RAB4A: variants seen among roughly 807,000 people sequenced by gnomAD.
The protein encoded by RAB4A is RAB4A, member RAS oncogene family, also known as ras-related protein Rab-4A.
A neutral mutation model predicts 34.5 loss-of-function variants in RAB4A; 20 were observed. That is an observed-to-expected ratio of 0.58 (90% confidence interval 0.41 to 0.84). The LOEUF (loss-of-function observed/expected upper bound fraction) is 0.84, where lower values mean the gene tolerates loss of function less well. Among genes scored for constraint, RAB4A ranks in the 40% least tolerant of loss-of-function variants. The pLI is 0.00. For synonymous variants in RAB4A, 102 were observed against 100.0 expected (o/e 1.02, Z -0.12); for missense variants, 228 against 274.5 (o/e 0.83, Z 1.20).
At chr1:229,273,840 C>T (rs1472607927) in intron 1 of RAB4A, among the ~76,000 whole-genome samples, 1 of 152,110 alleles carries the variant, frequency 6.6e-6, no homozygotes, top group Non-Finnish European at 1.5e-5. Context: ...GTCACTTTGA[C>T]GTATCAGTGG....
At position 229,302,257 on chromosome 1, in the gene RAB4A, TTATATATATATATATATATA is replaced by T. The variant is rs58013219; in HGVS notation, c.542-571_542-552del. ...TTATAAGTAATGTTACAGTAAATAATTATATATATATATATATATATATATATATATATATATATATATAT... is the reference window on the plus strand; with the variant it reads ...TTATAAGTAATGTTACAGTAAATAATTATATATATATATATATATATATAT... On this transcript the variant is annotated intron_variant, in intron 6 of 7. Transcript: ENST00000366690. 2.9e-4 allele frequency among the ~76,000 whole-genome samples: 13 copies of T among 44,328 alleles called. No homozygotes were observed. In the East Asian group the frequency reaches 3.1e-3, roughly 11 times the overall value. The allele number at this position is 44,328 out of a possible 152,430, so 29.1% of individuals were successfully genotyped here. A position where few individuals can be genotyped will look rare whatever the true frequency, so the allele number is the denominator to read the frequency against.
Position 229,297,673 on chromosome 1 carries a change from G to A in RAB4A, c.445+37G>A, listed in dbSNP as rs374316347. On this transcript the variant is annotated intron_variant, in intron 5 of 7. Transcript: ENST00000366690. ...TTTACTTCTTACTATTTTTCAAATC[G>A]CATATTTGAGGATAATAGCATTTCT... is the stretch of plus-strand genomic sequence containing the variant. 27 of 1,512,772 alleles carry A rather than the reference G, an allele frequency of 1.8e-5. No homozygotes were observed. The East Asian group carries it at 3.7e-4, about 21-fold the overall frequency. The allele number at this position is 1,512,772 out of a possible 1,614,324, so 93.7% of individuals were successfully genotyped here.
intron 7 of RAB4A, 40 bp downstream of exon 7, chr1:229,303,029 C>A: frequency 1.4e-6 from 2 of 1,423,786 alleles, no homozygotes; most frequent in Non-Finnish European, 9.9e-7. Flanking sequence ...TCCTGGCAAG[C>A]TCAAGTGCAG....
intron 5 of RAB4A, 96 bp from the exon 6 acceptor site, chr1:229,298,881 G>A (rs1446455170): frequency 1.1e-5 from 9 of 825,774 alleles, no homozygotes; most frequent in South Asian, 3.1e-5. Flanking sequence ...ATTATATTTC[G>A]TCTGCTTTTC....
chr1:229,283,587 G>C (rs1289976061), intron 1 of RAB4A, among the ~76,000 whole-genome samples: 1 of 152,092 alleles, frequency 6.6e-6, no homozygotes, highest in Non-Finnish European at 1.5e-5. Flanking sequence ...TGGGTTGCCA[G>C]CTTGTTCTGC....
intron 3 of RAB4A, among the ~76,000 whole-genome samples, chr1:229,289,730 C>G (rs150167707): frequency 6.6e-6 from 1 of 152,284 alleles, no homozygotes; most frequent in Non-Finnish European, 1.5e-5. Flanking sequence ...GCAGGAAAAT[C>G]GCTTGAACCC....
At position 229,286,596 on chromosome 1, in the gene RAB4A, G is replaced by A. The variant is rs371709154; in HGVS notation, c.112+30G>A. On this transcript the variant is annotated intron_variant, in intron 2 of 7. Coordinates refer to ENST00000366690, the MANE Select transcript of RAB4A (RefSeq NM_004578.4). ...GTGTCATGAAATTAGTCATTCTTCC[G>A]TGCATGTCTTCTGAGAGCCCTCTCA... 768 of 1,367,674 alleles carry A rather than the reference G, an allele frequency of 5.6e-4. 5 individuals carry two copies. In the African/African-American group the frequency reaches 9.6e-3, roughly 17 times the overall value. The allele number at this position is 1,367,674 out of a possible 1,614,324, so 84.7% of individuals were successfully genotyped here.
chr1:229,298,145 T>G (rs144678322), intron 5 of RAB4A, among the ~76,000 whole-genome samples: 1 of 152,320 alleles, frequency 6.6e-6, no homozygotes, highest in Admixed American at 6.5e-5. Flanking sequence ...GGTTGCTTAA[T>G]TAATGGATAA....
At chr1:229,299,201 A>G in intron 6 of RAB4A, 129 bp downstream of exon 6, 1 of 637,818 alleles carries the variant, frequency 1.6e-6, no homozygotes, top group Non-Finnish European at 2.6e-6. Context: ...CCAACCTAAA[A>G]TCATCACATA....
At chr1:229,280,320 C>G (rs939551525) in intron 1 of RAB4A, among the ~76,000 whole-genome samples, 1 of 152,158 alleles carries the variant, frequency 6.6e-6, no homozygotes, top group African/African-American at 2.4e-5. Flanking sequence ...TGAAACTCCT[C>G]ATGAAGTTGG....
intron 1 of RAB4A, among the ~76,000 whole-genome samples, chr1:229,278,555 A>G (rs1325350870): frequency 6.6e-6 from 1 of 152,070 alleles, no homozygotes; most frequent in Non-Finnish European, 1.5e-5. Flanking sequence ...AACCCTTTCC[A>G]TGTTGTCTCA....
At chr1:229,278,574 CTG>C (rs1656706176) in intron 1 of RAB4A, among the ~76,000 whole-genome samples, 1 of 152,216 alleles carries the variant, frequency 6.6e-6, no homozygotes. Flanking sequence ...CAGAAGGTCT[CTG>C]TTGTTTAAAA....
At chr1:229,278,293 A>G (rs747543324) in intron 1 of RAB4A, among the ~76,000 whole-genome samples, 1 of 152,222 alleles carries the variant, frequency 6.6e-6, no homozygotes, top group Non-Finnish European at 1.5e-5. Context: ...CTACCCAGCC[A>G]TCTGCCTTGC....
At chr1:229,295,309 C>T (rs545888680) in intron 3 of RAB4A, among the ~76,000 whole-genome samples, 5 of 152,248 alleles carry the variant, frequency 3.3e-5, no homozygotes, top group East Asian at 3.9e-4. Flanking sequence ...GACCAAAAGA[C>T]GCCTTCTTGA....
intron 6 of RAB4A, 107 bp from the exon 7 acceptor site, chr1:229,302,755 G>C (rs1234373770): frequency 1.4e-6 from 1 of 700,178 alleles, no homozygotes; most frequent in Non-Finnish European, 2.3e-6. Flanking sequence ...CAGAATGGTG[G>C]GATATATACA....
chr1:229,302,305 A>ATTTTTTTTTT (rs1657428912), intron 6 of RAB4A, among the ~76,000 whole-genome samples: 11 of 37,862 alleles, frequency 2.9e-4, no homozygotes, highest in Non-Finnish European at 4.2e-4. Flanking sequence ...ATATATATAT[A>ATTTTTTTTTT]TATATTTTTT....
intron 3 of RAB4A, among the ~76,000 whole-genome samples, chr1:229,290,213 A>G (rs1007455923): frequency 1.3e-5 from 2 of 152,170 alleles, no homozygotes; most frequent in African/African-American, 4.8e-5. Flanking sequence ...ATGTTTACAC[A>G]CGAAATAAGA....
intron 1 of RAB4A, among the ~76,000 whole-genome samples, chr1:229,276,071 C>G (rs548010440): frequency 6.6e-6 from 1 of 151,408 alleles, no homozygotes; most frequent in African/African-American, 2.5e-5. Context: ...AACACCAAAA[C>G]AAAGGACATT....
At position 229,281,192 on chromosome 1, in the gene RAB4A, A is replaced by C. The variant is rs369693609; in HGVS notation, c.32-5294A>C. On this transcript the variant is annotated intron_variant, in intron 1 of 7. Transcript: ENST00000366690. ...TGGTAGTTAAATGTTTAGTTTTATA[A>C]GAAACTGCCAACCATACTGTTAACA... 1.9e-4 allele frequency among the ~76,000 whole-genome samples: 29 copies of C among 152,312 alleles called. No individual in the cohort carries two copies. In the East Asian group the frequency reaches 2.1e-3, roughly 11 times the overall value.
Sources: allele counts gnomAD v4.1 joint callset (sites outside exome capture counted in the v4.1 genomes callset), GRCh38; gene constraint gnomAD v4.1.1; transcripts MANE v1.5; gene names NCBI Gene and HGNC (gene_info 2026-07-23, HGNC 2026-07-21).